PTHLH: variants seen among roughly 807,000 people sequenced by gnomAD.
The protein encoded by PTHLH is parathyroid hormone-related protein.
Under a neutral mutation model 18.6 loss-of-function variants are expected in PTHLH, and 5 were observed. That is an observed-to-expected ratio of 0.27 (90% CI 0.14 to 0.56). The LOEUF (loss-of-function observed/expected upper bound fraction) is 0.56, where lower values mean the gene tolerates loss of function less well. PTHLH is among the 20% of genes least tolerant of loss of function. The pLI is 0.92. For missense variants in PTHLH, 207 were observed against 223.9 expected (o/e 0.92, Z 0.48); for synonymous variants, 90 against 94.0 (o/e 0.96, Z 0.25).
Position 27,969,511 on chromosome 12 carries a change from C to G in PTHLH, c.-17G>C, listed in dbSNP as rs1426201489. The G allele has an allele frequency of 6.4e-7, 1 of 1,558,520 alleles. No individual in the cohort carries two copies. Among genetic ancestry groups the G allele is most frequent in the South Asian group, 1.2e-5 (1 of 85,124 alleles). ...CCGCTGCATCGTCTCCGCTCGCGCT[C>G]GGGACCTGCAACAGAAGGGAATGGG... On this transcript the variant is annotated 5_prime_UTR_variant, in exon 4 of 6. Coordinates refer to ENST00000545234, the MANE Select transcript of PTHLH (RefSeq NM_198965.2).
chr12:27,961,964 C>T (rs1565520588), intron 5 of PTHLH: 11 of 546,976 alleles, frequency 2.0e-5, no homozygotes, highest in South Asian at 6.1e-5. Flanking sequence ...TGTTGTTTTC[C>T]TTTTTTTTTT....
At chr12:27,962,493 T>G (rs547486139) in intron 5 of PTHLH, 2 of 965,522 alleles carry the variant, frequency 2.1e-6, no homozygotes, top group East Asian at 1.1e-4. Flanking sequence ...CTTAAATAAA[T>G]TCAGACCCAA....
At chr12:27,970,874 G>T (rs1409055062) in intron 2 of PTHLH, among the ~76,000 whole-genome samples, 1 of 152,344 alleles carries the variant, frequency 6.6e-6, no homozygotes, top group African/African-American at 2.4e-5. Context: ...GCCCATTCCC[G>T]GGATGAACTG....
At chr12:27,960,341 A>T (rs2062743070) in intron 5 of PTHLH, among the ~76,000 whole-genome samples, 1 of 152,236 alleles carries the variant, frequency 6.6e-6, no homozygotes, top group Admixed American at 6.5e-5. Flanking sequence ...CTAAAATATA[A>T]TTCCTCCAAT....
At chr12:27,963,874 C>T (rs2062784832) in intron 4 of PTHLH, 104 bp from the exon 5 acceptor site, 7 of 1,198,044 alleles carry the variant, frequency 5.8e-6, no homozygotes, top group Admixed American at 4.0e-5. Context: ...GTTGGTCCAC[C>T]GTAAGACACA....
At position 27,963,558 on chromosome 12, in the gene PTHLH, G is replaced by C. The variant is rs770832859; in HGVS notation, c.314C>G (p.Thr105Ser). The change falls in exon 5 of 6, where the codon ACT (threonine) becomes AGT (serine). Residue 105 changes from threonine to serine, a missense_variant. Transcript: ENST00000545234. ...CGTCTCCACCTTGTTAGTTTCCTGA[G>C]TTAGGTATCTGCCCTCATCATCAGA... ...FGSDDEGRYLTQETNKVETYK... is the reference protein window; with the variant it reads ...FGSDDEGRYLSQETNKVETYK... The C allele has an allele frequency of 5.0e-6, 8 of 1,614,084 alleles. No individual in the cohort carries two copies. The highest frequency in any genetic ancestry group is 5.9e-6 in the Non-Finnish European group (7 of 1,180,056).
chr12:27,959,825 T>C (rs1379100184), intron 5 of PTHLH, among the ~76,000 whole-genome samples: 1 of 152,156 alleles, frequency 6.6e-6, no homozygotes, highest in Admixed American at 6.6e-5. Flanking sequence ...TTTTAATTGG[T>C]GGATGGATGT....
At chr12:27,968,297 A>C (rs1243803673) in intron 4 of PTHLH, among the ~76,000 whole-genome samples, 2 of 152,242 alleles carry the variant, frequency 1.3e-5, no homozygotes, top group African/African-American at 2.4e-5. Context: ...AATAGACCAC[A>C]AGCACGTATA....
At chr12:27,970,685 A>G (rs1333588496) in intron 2 of PTHLH, among the ~76,000 whole-genome samples, 21 of 151,930 alleles carry the variant, frequency 1.4e-4, no homozygotes, top group Non-Finnish European at 2.9e-5. Flanking sequence ...GCCGAGCTGG[A>G]CGAGCGGGCG....
intron 5 of PTHLH, chr12:27,962,020 AATC>A (rs2062766160): frequency 3.0e-6 from 2 of 659,194 alleles, no homozygotes; most frequent in African/African-American, 3.7e-5. Context: ...AAGAAAAAAA[AATC>A]ATTTCAATGG....
chr12:27,969,638 G>T, intron 3 of PTHLH, 122 bp from the exon 4 acceptor site: 1 of 932,516 alleles, frequency 1.1e-6, no homozygotes, highest in Non-Finnish European at 1.7e-6. Flanking sequence ...CATCTCCCAA[G>T]TTGAAAAGAA....
chr12:27,964,564 T>A (rs33089), intron 4 of PTHLH, among the ~76,000 whole-genome samples: 82,147 of 151,700 alleles, frequency 0.54, 22,279 homozygotes, highest in East Asian at 0.6. Flanking sequence ...GGTTTCTTTG[T>A]GTGCTTAAAT....
At chr12:27,969,309 T>G in intron 4 of PTHLH, 85 bp downstream of exon 4, 1 of 1,336,608 alleles carries the variant, frequency 7.5e-7, no homozygotes, top group South Asian at 1.3e-5. Flanking sequence ...CGGTGACCGC[T>G]GCAAGCCCTC....
intron 4 of PTHLH, among the ~76,000 whole-genome samples, chr12:27,965,844 GA>G (rs2062808097): frequency 6.6e-6 from 1 of 152,196 alleles, no homozygotes. Context: ...TAATAGGACA[GA>G]TATAATTGCA....
chr12:27,964,224 T>C (rs1245160345), intron 4 of PTHLH, among the ~76,000 whole-genome samples: 1 of 144,182 alleles, frequency 6.9e-6, no homozygotes, highest in African/African-American at 2.7e-5. Context: ...CAGCTGCTTT[T>C]ACCTGAGTAT....
rs1374451425 is a variant in PTHLH, at chr12:27,970,244, AT to A, written c.-243del. ...GGCGAGTTGAAAACCGAGCGGAGGA[AT>A]GTTCACACGCTCCGAGGCAAACCTG... On this transcript the variant is annotated 5_prime_UTR_variant, in exon 3 of 6. It removes the in-frame stop codon of an upstream open reading frame in the 5' UTR. Transcript: ENST00000545234. 2.1e-6 allele frequency: 1 copy of A among 465,170 alleles called. No individual in the cohort carries two copies. The highest frequency in any genetic ancestry group is 4.3e-6 in the Non-Finnish European group (1 of 233,908). The allele number at this position is 465,170 out of a possible 1,614,324, so 28.8% of individuals were successfully genotyped here.
chr12:27,960,806 G>A (rs960505771), intron 5 of PTHLH, among the ~76,000 whole-genome samples: 3 of 151,578 alleles, frequency 2.0e-5, no homozygotes, highest in African/African-American at 7.3e-5. Flanking sequence ...CAGATCTCTT[G>A]GTTCACCATG....
chr12:27,962,929 TC>T, intron 5 of PTHLH: 1 of 1,084,640 alleles, frequency 9.2e-7, no homozygotes, highest in African/African-American at 1.6e-5. Context: ...GCTTCTATAT[TC>T]TCCCTTGAAG....
Position 27,958,591 on chromosome 12 carries a change from G to T in PTHLH, c.525-23C>A. On this transcript the variant is annotated intron_variant, in intron 5 of 5. Transcript: ENST00000545234. ...CTCCTGCAAAAAGAAGGAAGAGAAA[G>T]AAAAGGAGAAAACAGGTTAGTTTTC... 6.4e-7 allele frequency: 1 copy of T among 1,559,338 alleles called. No homozygotes were observed. The highest frequency in any genetic ancestry group is 1.2e-5 in the South Asian group (1 of 84,080).
Sources: gnomAD v4.1 joint callset for allele counts (sites outside exome capture counted in the v4.1 genomes callset) on GRCh38, gnomAD v4.1.1 for gene constraint, MANE v1.5 for transcripts, NCBI Gene and HGNC (gene_info 2026-07-23, HGNC 2026-07-21) for gene names.